The following PXDNL variants were observed in gnomAD, a reference collection of about 807,000 sequenced individuals.
PXDNL encodes peroxidasin like, also known as probable oxidoreductase PXDNL.
Under a neutral mutation model 150.8 loss-of-function variants are expected in PXDNL, and 145 were observed. The ratio of observed to expected loss-of-function variants is 0.96; its 90% CI spans 0.84 to 1.10. PXDNL has a LOEUF of 1.10. Among genes scored for constraint, PXDNL ranks in the 50% least tolerant of loss-of-function variants. PXDNL has a pLI of 0.00. For missense variants in PXDNL, 2,087 were observed against 1,873.9 expected (o/e 1.11, Z -2.10); for synonymous variants, 757 against 725.7 (o/e 1.04, Z -0.69).
At chr8:51,678,335 T>A (rs568731431) in intron 1 of PXDNL, among the ~76,000 whole-genome samples, 12 of 152,300 alleles carry the variant, frequency 7.9e-5, no homozygotes, top group African/African-American at 2.6e-4. Flanking sequence ...TGTAATGGGT[T>A]ACTTACACAT....
At chr8:51,782,665 C>G (rs1299985865) in intron 1 of PXDNL, among the ~76,000 whole-genome samples, 1 of 152,206 alleles carries the variant, frequency 6.6e-6, no homozygotes, top group African/African-American at 2.4e-5. Flanking sequence ...CTAGCATATT[C>G]TCACTCCTTT....
intron 17 of PXDNL, among the ~76,000 whole-genome samples, chr8:51,380,973 G>A (rs565750158): frequency 6.6e-4 from 101 of 152,056 alleles, no homozygotes; most frequent in South Asian, 2.1e-3. Context: ...TTACTGAAAC[G>A]AACCTATTAT....
chr8:51,396,769 G>T (rs1808095696), intron 17 of PXDNL, among the ~76,000 whole-genome samples: 1 of 151,712 alleles, frequency 6.6e-6, no homozygotes. Flanking sequence ...AAAAATAACG[G>T]TAATAATAAT....
chr8:51,472,324 G>A lies in PXDNL; in HGVS notation c.695-20C>T, dbSNP rs10958268. Reference sequence around the variant, plus strand: ...GGCTCTCTGCAACAAAAGAATTATTGATGTATTTTTCAGAGATACAAAATT... The same window carrying A: ...GGCTCTCTGCAACAAAAGAATTATTAATGTATTTTTCAGAGATACAAAATT... On this transcript the variant is annotated intron_variant, in intron 7 of 22. Coordinates refer to ENST00000356297, the MANE Select transcript of PXDNL (RefSeq NM_144651.5). 235,375 of 1,573,944 alleles carry A rather than the reference G, an allele frequency of 0.15. 23,813 individuals are homozygous for A. The highest frequency in any genetic ancestry group is 0.52 in the African/African-American group (38,282 of 73,910).
intron 1 of PXDNL, among the ~76,000 whole-genome samples, chr8:51,786,719 C>T (rs13262316): frequency 0.061 from 9,253 of 152,218 alleles, 375 homozygotes; most frequent in Non-Finnish European, 0.088. Context: ...CTAGAAGCTG[C>T]AGCAAGTTAT....
At chr8:51,495,561 G>T (rs570148346) in intron 5 of PXDNL, among the ~76,000 whole-genome samples, 414 of 151,968 alleles carry the variant, frequency 2.7e-3, no homozygotes, top group Non-Finnish European at 4.2e-3. Flanking sequence ...AAAGAGAGAA[G>T]AATCAAATAG....
At chr8:51,325,765 T>A (rs1805464289) in intron 21 of PXDNL, among the ~76,000 whole-genome samples, 1 of 152,170 alleles carries the variant, frequency 6.6e-6, no homozygotes, top group Admixed American at 6.5e-5. Flanking sequence ...AGTTTCCTAC[T>A]TGGCTTTCTC....
chr8:51,341,486 A>T (rs1462889537), intron 20 of PXDNL, among the ~76,000 whole-genome samples: 1 of 152,080 alleles, frequency 6.6e-6, no homozygotes, highest in Non-Finnish European at 1.5e-5. Context: ...TATGAGATGT[A>T]TCTTCTCAAT....
intron 21 of PXDNL, among the ~76,000 whole-genome samples, chr8:51,332,080 C>A (rs567784895): frequency 2.0e-5 from 3 of 152,172 alleles, no homozygotes; most frequent in Non-Finnish European, 2.9e-5. Flanking sequence ...ATCCACTTCA[C>A]CCTCTGCCAC....
At position 51,702,535 on chromosome 8, in the gene PXDNL, A is replaced by G. The variant is rs571257463; in HGVS notation, c.165-47775T>C. ...ACTAACACGCTCCCTTTTTCCAACA[A>G]TCCTGTTCGAAAGATTCTAGCATAG... On this transcript the variant is annotated intron_variant, in intron 1 of 22. Transcript: ENST00000356297. Among the ~76,000 whole-genome samples the G allele has an allele frequency of 1.5e-4, 23 of 152,212 alleles. 2 individuals are homozygous for G. In the South Asian group the frequency reaches 4.8e-3, roughly 32 times the overall value.
At chr8:51,436,406 TC>T (rs2129844991) in intron 12 of PXDNL, 1 of 405,584 alleles carries the variant, frequency 2.5e-6, no homozygotes, top group African/African-American at 2.1e-5. Context: ...CATTGCCATG[TC>T]ATAAGATCCA....
intron 19 of PXDNL, among the ~76,000 whole-genome samples, chr8:51,365,791 A>T (rs1248955726): frequency 6.6e-6 from 1 of 152,228 alleles, no homozygotes; most frequent in African/African-American, 2.4e-5. Flanking sequence ...CTAAGTGAGA[A>T]CCTTACCAAA....
chr8:51,563,831 C>T (rs1374777565), intron 3 of PXDNL, among the ~76,000 whole-genome samples: 1 of 151,818 alleles, frequency 6.6e-6, no homozygotes, highest in Non-Finnish European at 1.5e-5. Context: ...ATGCTCTGCT[C>T]AATATATTTA....
At chr8:51,616,294 T>A (rs990986920) in intron 2 of PXDNL, among the ~76,000 whole-genome samples, 1 of 152,220 alleles carries the variant, frequency 6.6e-6, no homozygotes, top group Non-Finnish European at 1.5e-5. Flanking sequence ...CAGCCACAGA[T>A]AGAAGGGAGG....
chr8:51,563,857 C>A (rs1812762540), intron 3 of PXDNL, among the ~76,000 whole-genome samples: 4 of 151,834 alleles, frequency 2.6e-5, no homozygotes. Flanking sequence ...CAGTACAGAG[C>A]AATGTAACTT....
chr8:51,329,199 C>T (rs1236681229), intron 21 of PXDNL, among the ~76,000 whole-genome samples: 1 of 152,158 alleles, frequency 6.6e-6, no homozygotes, highest in African/African-American at 2.4e-5. Context: ...TTTCCCATCC[C>T]CACACCTGAC....
rs114821236 is a variant in PXDNL at position 51,428,769 on chromosome 8, A to G, written c.1526-2011T>C. Among the ~76,000 whole-genome samples the G allele has an allele frequency of 1.6e-3, 239 of 152,356 alleles. 2 individuals are homozygous for G. The highest frequency in any genetic ancestry group is 5.2e-3 in the African/African-American group (218 of 41,590). The stretch of plus-strand genomic sequence containing the variant: ...CTATTATTCAAAAAAATAGGAGAAA[A>G]TCTTTGATATTTAAGCCAAAAGTTC... On this transcript the variant is annotated intron_variant, in intron 12 of 22. Coordinates refer to ENST00000356297, the MANE Select transcript of PXDNL (RefSeq NM_144651.5).
Position 51,413,244 on chromosome 8 carries a change from G to C in PXDNL, c.1810C>G (p.Gln604Glu). 6.2e-7 allele frequency: 1 copy of C among 1,607,190 alleles called. No individual in the cohort carries two copies. Among genetic ancestry groups the C allele is most frequent in the South Asian group, 1.1e-5 (1 of 90,882 alleles). The change falls in exon 15 of 23, where the codon CAA (glutamine) becomes GAA (glutamate). Residue 604 changes from glutamine to glutamate, a missense_variant. Coordinates refer to ENST00000356297, the MANE Select transcript of PXDNL (RefSeq NM_144651.5). The stretch of plus-strand genomic sequence containing the variant: ...GATTCAACAAAGTCATCGCCAGCTT[G>C]TCTACCCTGTATAGCTTTGAAAATC... ...FLTVTAIQGRQAGDDFVESSI... is the reference protein window; with the variant it reads ...FLTVTAIQGREAGDDFVESSI...
intron 2 of PXDNL, among the ~76,000 whole-genome samples, chr8:51,626,254 C>G (rs528768468): frequency 6.6e-6 from 1 of 152,338 alleles, no homozygotes; most frequent in East Asian, 1.9e-4. Context: ...TACCTGACTA[C>G]TCATCTATAC....
Sources: gnomAD v4.1 joint callset for allele counts (sites outside exome capture counted in the v4.1 genomes callset) on GRCh38, gnomAD v4.1.1 for gene constraint, MANE v1.5 for transcripts, NCBI Gene and HGNC (gene_info 2026-07-23, HGNC 2026-07-21) for gene names.